The following PML variants were observed in gnomAD, a reference collection of about 807,000 sequenced individuals.
PML encodes the protein PML nuclear body scaffold.
PML carries 28 observed loss-of-function variants against 65.2 expected under a neutral mutation model. The observed-to-expected ratio is 0.43, with a 90% CI of 0.32 to 0.59. The LOEUF (loss-of-function observed/expected upper bound fraction) is 0.59, where lower values mean the gene tolerates loss of function less well. Ranked by LOEUF, PML falls within the 20% of genes least tolerant of loss-of-function variation. The pLI, the probability that PML is intolerant of heterozygous loss-of-function variation, is 0.08. For missense variants in PML, 1,021 were observed against 1,203.4 expected, an observed-to-expected ratio of 0.85 and a Z score of 2.24; for synonymous variants, 500 against 508.8, an observed-to-expected ratio of 0.98 and a Z score of 0.23.
rs2071768781 is a variant in PML, at chr15:74,046,145, G to T, written c.*1137G>T. ...ACGGTCAGAGCGGCCATCTGGCTGT[G>T]CCATCCTGCATTTTTAGGAATGGAA... is the stretch of plus-strand genomic sequence containing the variant. On this transcript the variant is annotated 3_prime_UTR_variant, in exon 9 of 9. Coordinates refer to ENST00000268058, the MANE Select transcript of PML (RefSeq NM_033238.3). 2 of 232,904 alleles carry T rather than the reference G, an allele frequency of 8.6e-6. No individual in the cohort carries two copies. The highest frequency in any genetic ancestry group is 8.5e-6 in the Non-Finnish European group (1 of 117,884). 14.4% of individuals were successfully genotyped at this position (232,904 alleles called of 1,614,324 possible). A position where few individuals can be genotyped will look rare whatever the true frequency, so the allele number is the denominator to read the frequency against.
At position 73,998,107 on chromosome 15, in the gene PML, C is replaced by T. The variant is rs1446894217; in HGVS notation, c.233C>T (p.Ser78Leu). The change falls in exon 2 of 9, where the codon TCA (serine) becomes TTA (leucine). Residue 78 changes from serine (S) to leucine (L), a missense_variant. Physicochemically the swap from Ser to Leu is moderately radical, Grantham distance 145. Coordinates refer to ENST00000268058, the MANE Select transcript of PML (RefSeq NM_033238.3). ...KLLPCLHTLC[S>L]GCLEASGMQC... ...CTGCCTTGTCTGCACACGCTGTGCT[C>T]AGGATGCCTGGAGGCGTCGGGCATG... 2.5e-6 allele frequency: 4 copies of T among 1,613,936 alleles called. No homozygotes were observed. The highest frequency in any genetic ancestry group is 4.5e-5 in the East Asian group (2 of 44,884).
chr15:74,004,052 G>T (rs1290776709), intron 2 of PML, among the ~76,000 whole-genome samples: 1 of 152,106 alleles, frequency 6.6e-6, no homozygotes, highest in East Asian at 1.9e-4. Flanking sequence ...TCCACTAATG[G>T]TCTATTTTTT....
intron 4 of PML, chr15:74,027,429 A>G (rs966290930): frequency 1.3e-5 from 2 of 152,182 alleles, no homozygotes; most frequent in African/African-American, 4.8e-5. Flanking sequence ...GCACATGCCT[A>G]TAATCCCAGG....
chr15:73,995,228 G>A (rs2069421038), intron 1 of PML, among the ~76,000 whole-genome samples: 1 of 152,244 alleles, frequency 6.6e-6, no homozygotes, highest in Admixed American at 6.5e-5. Context: ...CCGGGCCTGG[G>A]CCCTTCCGCC....
intron 2 of PML, among the ~76,000 whole-genome samples, chr15:74,018,749 A>T (rs189800602): frequency 1.6e-4 from 25 of 152,316 alleles, no homozygotes; most frequent in Middle Eastern, 3.4e-3. Context: ...TTCTTTCTTA[A>T]TTATTATGTA....
rs2071592477 is a variant in PML, at chr15:74,037,317, C to T, written c.1710+2787C>T. 1.0e-6 allele frequency: 1 copy of T among 985,310 alleles called. No homozygotes were observed. The highest frequency in any genetic ancestry group is 6.1e-5 in the Admixed American group (1 of 16,268). The allele number at this position is 985,310 out of a possible 1,614,324, so 61.0% of individuals were successfully genotyped here. The stretch of plus-strand genomic sequence containing the variant: ...CTATTTACAGATCCCCATCGCACCC[C>T]TTCCCTGCCCTCGTTAGGGTGGAAG... On this transcript the variant is annotated intron_variant, in intron 7 of 8. Coordinates refer to ENST00000268058, the MANE Select transcript of PML (RefSeq NM_033238.3). This position sits in a 1 kb window ranked among gnomAD's most constrained non-coding sequence, Gnocchi z 4.2.
chr15:74,035,505 C>T lies in PML; in HGVS notation c.1710+975C>T, dbSNP rs752236847. On this transcript the variant is annotated intron_variant, in intron 7 of 8. Coordinates refer to ENST00000268058, the MANE Select transcript of PML (RefSeq NM_033238.3). The surrounding 1 kb of genome is among the most constrained non-coding windows in gnomAD (Gnocchi z 4.1). ...CTTGCACCCTCAATTGCATCGGGCC[C>T]CTATTCGGACTTGGTCTCCCCATGT... 4 of 1,611,974 alleles carry T rather than the reference C, an allele frequency of 2.5e-6. No homozygotes were observed. The South Asian group carries it at 3.3e-5, about 13-fold the overall frequency.
At chr15:74,009,237 G>A (rs566615735) in intron 2 of PML, among the ~76,000 whole-genome samples, 15 of 152,212 alleles carry the variant, frequency 9.9e-5, no homozygotes, top group Non-Finnish European at 1.2e-4. Context: ...AGCTGAAAGA[G>A]CTTGAATTAT....
intron 2 of PML, among the ~76,000 whole-genome samples, chr15:74,022,214 C>G (rs576405966): frequency 3.4e-4 from 52 of 152,338 alleles, no homozygotes; most frequent in Non-Finnish European, 5.3e-4. Context: ...GCCCCGGCCT[C>G]CCAAAGTGCT....
intron 7 of PML, chr15:74,036,492 C>A: frequency 8.4e-7 from 1 of 1,192,606 alleles, no homozygotes; most frequent in Non-Finnish European, 1.1e-6. Context: ...ACTCAGTTCT[C>A]CTCTGGGGAT....
intron 4 of PML, among the ~76,000 whole-genome samples, chr15:74,029,676 C>T (rs1313590738): frequency 6.6e-6 from 1 of 152,090 alleles, no homozygotes; most frequent in Non-Finnish European, 1.5e-5. Context: ...ATGATTGTTA[C>T]ATGGGATGTA....
rs556426526 is a variant in PML at position 74,023,374 on chromosome 15, G to A, written c.1149G>A (p.Leu383=). The change falls in exon 3 of 9, where the codon CTG becomes CTA. Residue 383 remains leucine, a synonymous_variant. Transcript: ENST00000268058. The part of the protein sequence containing the change: ...TDGFDEFKVR[L]QDLSSCITQG... ...GCTTCGACGAGTTCAAGGTGCGCCT[G>A]CAGGACCTCAGCTCTTGCATCACCC... 7.2e-5 allele frequency: 116 copies of A among 1,600,066 alleles called. 1 individual carries two copies. In the Middle Eastern group the frequency reaches 1.5e-3, roughly 21 times the overall value.
chr15:74,013,168 A>G (rs183849171), intron 2 of PML, among the ~76,000 whole-genome samples: 2 of 152,334 alleles, frequency 1.3e-5, no homozygotes, highest in African/African-American at 4.8e-5. Context: ...TCTAAAAATT[A>G]TCTTTATTTC....
chr15:74,007,678 G>C (rs889688860), intron 2 of PML, among the ~76,000 whole-genome samples: 6 of 151,380 alleles, frequency 4.0e-5, no homozygotes, highest in African/African-American at 1.2e-4. Context: ...CTGCCCTGGG[G>C]TGGCTGCCCT....
At position 74,043,142 on chromosome 15, in the gene PML, G is replaced by A. The variant is rs193112596; in HGVS notation, c.1861+3G>A. 8.1e-6 allele frequency: 13 copies of A among 1,613,752 alleles called. No individual in the cohort carries two copies. The highest frequency in any genetic ancestry group is 1.3e-5 in the African/African-American group (1 of 74,900). On this transcript the variant is annotated splice_donor_region_variant and intron_variant, in intron 8 of 8. Coordinates refer to ENST00000268058, the MANE Select transcript of PML (RefSeq NM_033238.3). This position sits in a 1 kb window ranked among gnomAD's most constrained non-coding sequence, Gnocchi z 4.3. ...TGACCTCAAGATTGACAATGAAAGT[G>A]GGTTCTCCTGGGGCTACCCCCACCC... is the stretch of plus-strand genomic sequence containing the variant.
intron 2 of PML, among the ~76,000 whole-genome samples, chr15:74,018,691 T>C (rs564736333): frequency 5.9e-5 from 9 of 152,320 alleles, no homozygotes; most frequent in South Asian, 4.1e-4. Flanking sequence ...TGGATTTTTT[T>C]CCCATATTTC....
At chr15:74,011,713 T>C (rs1051706704) in intron 2 of PML, among the ~76,000 whole-genome samples, 2 of 152,252 alleles carry the variant, frequency 1.3e-5, no homozygotes, top group African/African-American at 4.8e-5. Context: ...ATGTTTTTCC[T>C]GTGCTATTCT....
Position 74,044,515 on chromosome 15 carries a change from C to A in PML, c.2156C>A (p.Pro719His), listed in dbSNP as rs764216789. Residue 719 changes from proline to histidine, a missense_variant, in exon 9 of 9, where the codon CCC (proline) becomes CAC (histidine). By Grantham distance (77) the Pro-to-His change is moderately conservative (BLOSUM62 -2). Transcript: ENST00000268058. Reference protein sequence around the residue: ...AALPLIRERVPGASSFKLKNL... With the variant: ...AALPLIRERVHGASSFKLKNL... ...CTGCCTCTCATCCGGGAGCGTGTGCCCGGGGCCAGCAGCTTCAAACTCAAG... is the reference window on the plus strand; with the variant it reads ...CTGCCTCTCATCCGGGAGCGTGTGCACGGGGCCAGCAGCTTCAAACTCAAG... 6.2e-7 allele frequency: 1 copy of A among 1,614,076 alleles called. No homozygotes were observed. Among genetic ancestry groups the A allele is most frequent in the South Asian group, 1.1e-5 (1 of 91,090 alleles).
chr15:74,033,521 T>A, intron 6 of PML, 107 bp downstream of exon 6: 1 of 1,174,954 alleles, frequency 8.5e-7, no homozygotes, highest in Non-Finnish European at 1.3e-6. Flanking sequence ...CCAACAGGAG[T>A]CCCTTATTCC....
Sources: gnomAD v4.1 joint callset for allele counts (sites outside exome capture counted in the v4.1 genomes callset) on GRCh38, gnomAD v4.1.1 for gene constraint, Gnocchi (gnomAD v3.1) non-coding constraint, MANE v1.5 for transcripts, NCBI Gene and HGNC (gene_info 2026-07-23, HGNC 2026-07-21) for gene names.